PDE1C: variants seen among roughly 807,000 people sequenced by gnomAD.
PDE1C encodes the protein phosphodiesterase 1C.
In PDE1C, 62 loss-of-function variants were observed where a neutral mutation model predicts 93.1. The ratio of observed to expected loss-of-function variants is 0.67; its 90% CI spans 0.54 to 0.82. The LOEUF (loss-of-function observed/expected upper bound fraction) is 0.82. Among genes scored for constraint, PDE1C ranks in the 40% least tolerant of loss-of-function variants. The pLI is 0.00. For synonymous variants in PDE1C, 325 were observed against 310.1 expected (o/e 1.05, Z -0.50); for missense variants, 742 against 884.6 (o/e 0.84, Z 2.04).
At chr7:32,054,426 G>A (rs747112922) in intron 1 of PDE1C, among the ~76,000 whole-genome samples, 1 of 152,194 alleles carries the variant, frequency 6.6e-6, no homozygotes, top group Non-Finnish European at 1.5e-5. Flanking sequence ...GTCATGTAGT[G>A]TGCCTGCCAT....
At chr7:32,245,457 C>G (rs1335876227) in intron 1 of PDE1C, among the ~76,000 whole-genome samples, 2 of 152,184 alleles carry the variant, frequency 1.3e-5, no homozygotes, top group Non-Finnish European at 2.9e-5. Context: ...CTCTCTAATG[C>G]CATTTTCTGT....
intron 16 of PDE1C, among the ~76,000 whole-genome samples, chr7:31,802,069 G>A (rs1293604640): frequency 6.6e-6 from 1 of 151,234 alleles, no homozygotes; most frequent in Non-Finnish European, 1.5e-5. Flanking sequence ...TATTTAACGT[G>A]ATAACTGATT....
intron 2 of PDE1C, among the ~76,000 whole-genome samples, chr7:32,177,169 G>A (rs1263366497): frequency 5.3e-5 from 8 of 152,202 alleles, no homozygotes; most frequent in South Asian, 4.1e-4. Context: ...GCTGAACTGC[G>A]TCCAACATAA....
chr7:31,808,143 A>T, intron 16 of PDE1C: 1 of 447,876 alleles, frequency 2.2e-6, no homozygotes, highest in Non-Finnish European at 4.3e-6. Flanking sequence ...ATTTATTCTT[A>T]CTCTTCCACC....
intron 16 of PDE1C, among the ~76,000 whole-genome samples, chr7:31,779,344 G>A (rs2128635169): frequency 6.6e-6 from 1 of 152,318 alleles, no homozygotes; most frequent in East Asian, 1.9e-4. Context: ...GTTGCTACCT[G>A]TAGAAACGCT....
chr7:32,132,198 A>C (rs1242354315), intron 3 of PDE1C, among the ~76,000 whole-genome samples: 1 of 152,142 alleles, frequency 6.6e-6, no homozygotes, highest in Non-Finnish European at 1.5e-5. Flanking sequence ...GCACAGAAAG[A>C]AAGCAGCAGA....
At chr7:31,656,999 T>G in the PDE1C span, among the ~76,000 whole-genome samples, 1 of 149,796 alleles carries the variant, frequency 6.7e-6, no homozygotes, top group Non-Finnish European at 1.5e-5. Flanking sequence ...GACTGAATTA[T>G]ACCACTGGCT....
chr7:32,007,325 A>G lies in PDE1C; in HGVS notation c.128+44229T>C, dbSNP rs368819912. Among the ~76,000 whole-genome samples, 17 of 152,272 alleles carry G rather than the reference A, an allele frequency of 1.1e-4. 3 individuals carry two copies. The highest frequency in any genetic ancestry group is 6.5e-5 in the Admixed American group (1 of 15,296). On this transcript the variant is annotated intron_variant, in intron 2 of 17. Coordinates refer to ENST00000396191, the MANE Select transcript of PDE1C (RefSeq NM_001191057.4). ...TTTTCCCCCAAAGAGCCACCTCAGC[A>G]CGTCTACCACACTGGCCTCCTAGCT...
intron 3 of PDE1C, among the ~76,000 whole-genome samples, chr7:32,076,880 C>T (rs1796386830): frequency 6.8e-6 from 1 of 146,100 alleles, no homozygotes; most frequent in Admixed American, 6.9e-5. Flanking sequence ...ATGTTACTGA[C>T]AACTAAAAGA....
chr7:31,817,967 C>A (rs1788471815), intron 14 of PDE1C, among the ~76,000 whole-genome samples: 1 of 152,050 alleles, frequency 6.6e-6, no homozygotes, highest in African/African-American at 2.4e-5. Flanking sequence ...ATTCATTGAT[C>A]CATCCATCCA....
intron 2 of PDE1C, among the ~76,000 whole-genome samples, chr7:32,039,032 C>T (rs1343068364): frequency 2.0e-5 from 3 of 152,074 alleles, no homozygotes; most frequent in African/African-American, 4.8e-5. Context: ...TCATGGGCCA[C>T]CACCACCATC....
At chr7:32,326,330 G>C (rs1415420940) in intron 1 of PDE1C, among the ~76,000 whole-genome samples, 1 of 152,118 alleles carries the variant, frequency 6.6e-6, no homozygotes, top group Non-Finnish European at 1.5e-5. Flanking sequence ...GCATATGGAT[G>C]GTTTTTAAAG....
chr7:31,935,220 A>C (rs969004599), intron 2 of PDE1C, among the ~76,000 whole-genome samples: 1 of 152,194 alleles, frequency 6.6e-6, no homozygotes, highest in Non-Finnish European at 1.5e-5. Flanking sequence ...GAAAACGATA[A>C]AAACTTTCTC....
the PDE1C span, chr7:31,695,405 C>G: frequency 6.8e-7 from 1 of 1,461,130 alleles, no homozygotes; most frequent in Non-Finnish European, 9.2e-7. Flanking sequence ...AGGAACCAAA[C>G]AGTTTGTGAC....
At chr7:31,645,816 CT>C in the PDE1C span, among the ~76,000 whole-genome samples, 396 of 152,224 alleles carry the variant, frequency 2.6e-3, 1 homozygote, top group African/African-American at 8.9e-3. Flanking sequence ...GCAAAACATC[CT>C]AAAATACAGA....
At chr7:32,040,696 T>C (rs1047063783) in intron 2 of PDE1C, among the ~76,000 whole-genome samples, 1 of 152,132 alleles carries the variant, frequency 6.6e-6, no homozygotes, top group Non-Finnish European at 1.5e-5. Context: ...AATAGAAAAC[T>C]AAAAATGAAG....
rs1562660111 is a variant in PDE1C, at chr7:32,297,994, TCTCC to T, written c.85+653_85+656del. On this transcript the variant is annotated intron_variant, in intron 1 of 18. Transcript: ENST00000396193. ...CTCTCTCTCTCTCTCTCTCTCTCTC[TCTCC>T]TCTCTCTCTCTCTCTCTCCCTCTCT... 1.8e-3 allele frequency among the ~76,000 whole-genome samples: 78 copies of T among 42,530 alleles called. 5 individuals are homozygous for T. Among genetic ancestry groups the T allele is most frequent in the African/African-American group, 8.2e-3 (75 of 9,158 alleles). The allele number at this position is 42,530 out of a possible 152,430, so 27.9% of individuals were successfully genotyped here.
intron 16 of PDE1C, among the ~76,000 whole-genome samples, chr7:31,796,117 A>ATATATG (rs1302783245): frequency 1.3e-5 from 2 of 150,480 alleles, no homozygotes; most frequent in South Asian, 2.1e-4. Flanking sequence ...ACACATATAT[A>ATATATG]TATATGTATA....
chr7:32,365,864 C>T (rs75505383), intron 1 of PDE1C, among the ~76,000 whole-genome samples: 1,897 of 152,198 alleles, frequency 0.012, 33 homozygotes, highest in African/African-American at 0.043. Flanking sequence ...ACGACTGTGT[C>T]CACCCAGAAC....
Sources: gnomAD v4.1 joint callset for allele counts (sites outside exome capture counted in the v4.1 genomes callset) on GRCh38, gnomAD v4.1.1 for gene constraint, MANE v1.5 for transcripts, NCBI Gene and HGNC (gene_info 2026-07-23, HGNC 2026-07-21) for gene names.